SCLT1: variants seen among roughly 807,000 people sequenced by gnomAD.
SCLT1 encodes the protein sodium channel and clathrin linker 1.
Under a neutral mutation model 112.8 loss-of-function variants are expected in SCLT1, and 78 were observed. That is an observed-to-expected ratio of 0.69 (90% CI 0.58 to 0.83). The LOEUF (loss-of-function observed/expected upper bound fraction) is 0.83, where lower values mean the gene tolerates loss of function less well. Ranked by LOEUF, SCLT1 falls within the 40% of genes least tolerant of loss-of-function variation. The pLI is 0.00. For missense variants in SCLT1, 747 were observed against 770.4 expected (o/e 0.97, Z 0.36); for synonymous variants, 257 against 254.7 (o/e 1.01, Z -0.09).
intron 18 of SCLT1, among the ~76,000 whole-genome samples, chr4:128,921,421 C>A (rs1294332630): frequency 6.6e-6 from 1 of 152,088 alleles, no homozygotes; most frequent in Middle Eastern, 3.2e-3. Flanking sequence ...AAGGCCACAG[C>A]AACCAAAACA....
intron 12 of SCLT1, among the ~76,000 whole-genome samples, chr4:128,958,473 C>G (rs73847312): frequency 6.6e-6 from 1 of 152,084 alleles, no homozygotes; most frequent in Non-Finnish European, 1.5e-5. Context: ...CCTCTGTGAG[C>G]GTCTGTTGAC....
rs199761521 is a variant in SCLT1 at position 128,943,116 on chromosome 4, C to A, written c.1512G>T (p.Glu504Asp). 1 of 1,611,778 alleles carries A rather than the reference C, an allele frequency of 6.2e-7. No homozygotes were observed. Among genetic ancestry groups the A allele is most frequent in the Non-Finnish European group, 8.5e-7 (1 of 1,178,282 alleles). The change falls in exon 17 of 21, where the codon GAG (glutamate) becomes GAT (aspartate). Residue 504 changes from glutamate to aspartate, a missense_variant. Around this residue, in one of 2 missense-constraint regions of SCLT1, gnomAD observed 723 missense variants for 721.3 expected, o/e 1.00. Transcript: ENST00000281142. ...KLQNVLESER[E>D]NCGLVSEQRL... The stretch of plus-strand genomic sequence containing the variant: ...TTTGTTCACTGACAAGCCCACAGTT[C>A]TCTCTCTCAGACTCCAATACATTTT...
At position 128,936,763 on chromosome 4, in the gene SCLT1, A is replaced by G. The variant is rs1012259586; in HGVS notation, c.1721T>C (p.Ile574Thr). The G allele has an allele frequency of 2.5e-6, 4 of 1,610,942 alleles. No individual in the cohort carries two copies. Among genetic ancestry groups the G allele is most frequent in the Non-Finnish European group, 3.4e-6 (4 of 1,177,422 alleles). ...REMEDSNRNSIVELRHLLATQ... is the reference protein window; with the variant it reads ...REMEDSNRNSTVELRHLLATQ... ...CGCTAGGAGATGCCTCAGTTCAACAATGGAATTTCTATTACTGTCTTCCAT... is the reference window on the plus strand; with the variant it reads ...CGCTAGGAGATGCCTCAGTTCAACAGTGGAATTTCTATTACTGTCTTCCAT... Residue 574 changes from isoleucine (I) to threonine (T), a missense_variant, in exon 18 of 21, where the codon ATT becomes ACT. Physicochemically the swap from Ile to Thr is moderately conservative, Grantham distance 89. Around this residue, in one of 2 missense-constraint regions of SCLT1, gnomAD observed 723 missense variants for 721.3 expected, o/e 1.00. Coordinates refer to ENST00000281142, the MANE Select transcript of SCLT1 (RefSeq NM_144643.4).
At chr4:128,973,401 A>T (rs549407322) in intron 9 of SCLT1, among the ~76,000 whole-genome samples, 13 of 148,238 alleles carry the variant, frequency 8.8e-5, no homozygotes, top group African/African-American at 3.2e-4. Flanking sequence ...ATCATAAATG[A>T]ATGAGAGGGC....
At chr4:128,998,871 C>T (rs1332112039) in intron 7 of SCLT1, among the ~76,000 whole-genome samples, 1 of 151,714 alleles carries the variant, frequency 6.6e-6, no homozygotes, top group Non-Finnish European at 1.5e-5. Context: ...TTTGAAAAGT[C>T]TGTAAATGAG....
intron 5 of SCLT1, among the ~76,000 whole-genome samples, chr4:129,026,488 T>G (rs913515404): frequency 1.3e-5 from 2 of 152,046 alleles, no homozygotes; most frequent in African/African-American, 4.8e-5. Context: ...AATAAAGATG[T>G]TCTTTGAAAC....
At chr4:128,931,164 G>A (rs1736727236) in intron 18 of SCLT1, among the ~76,000 whole-genome samples, 1 of 151,804 alleles carries the variant, frequency 6.6e-6, no homozygotes, top group Non-Finnish European at 1.5e-5. Flanking sequence ...GAAGGTTTTT[G>A]GGGGGTTGGA....
intron 3 of SCLT1, among the ~76,000 whole-genome samples, chr4:128,877,801 G>A (rs1732555584): frequency 6.6e-6 from 1 of 152,292 alleles, no homozygotes; most frequent in South Asian, 2.1e-4. Flanking sequence ...ACATGTTAAT[G>A]CACTGGTTAA....
chr4:128,998,063 T>A (rs926556776), intron 7 of SCLT1, 124 bp from the exon 8 acceptor site: 11 of 420,342 alleles, frequency 2.6e-5, no homozygotes, highest in Admixed American at 4.3e-5. Flanking sequence ...TAGTAGTGTT[T>A]CTTATTACTA....
At chr4:128,928,254 G>T (rs1410844333) in intron 18 of SCLT1, among the ~76,000 whole-genome samples, 1 of 151,844 alleles carries the variant, frequency 6.6e-6, no homozygotes, top group Non-Finnish European at 1.5e-5. Flanking sequence ...AAAAAGAAGG[G>T]CTACTCTCCA....
At position 128,890,321 on chromosome 4, in the gene SCLT1, A is replaced by G. The variant is rs543555792; in HGVS notation, c.1908+738T>C. On this transcript the variant is annotated intron_variant, in intron 19 of 20. Transcript: ENST00000281142. ...TTACTGTACTGAGTACCTTCTTTCA[A>G]ATTTTTTTTGTATTTTAAATTACTC... Among the ~76,000 whole-genome samples, 4 of 151,668 alleles carry G rather than the reference A, an allele frequency of 2.6e-5. No homozygotes were observed. In the East Asian group the frequency reaches 7.7e-4, roughly 29 times the overall value.
intron 18 of SCLT1, among the ~76,000 whole-genome samples, chr4:128,897,075 T>C (rs1733829642): frequency 6.6e-6 from 1 of 152,112 alleles, no homozygotes; most frequent in African/African-American, 2.4e-5. Context: ...ACGGGGAGAA[T>C]GGAACCAAGT....
chr4:129,027,548 T>G (rs1404351622), intron 5 of SCLT1, among the ~76,000 whole-genome samples: 2 of 152,178 alleles, frequency 1.3e-5, no homozygotes, highest in African/African-American at 4.8e-5. Flanking sequence ...GAGCTATCTA[T>G]GACAAACCCA....
At chr4:128,893,612 G>A (rs539139401) in intron 18 of SCLT1, among the ~76,000 whole-genome samples, 84 of 152,030 alleles carry the variant, frequency 5.5e-4, no homozygotes, top group African/African-American at 1.9e-3. Context: ...GTGCCATCTC[G>A]GCTCACTGCA....
intron 18 of SCLT1, among the ~76,000 whole-genome samples, chr4:128,895,302 A>G (rs983203322): frequency 6.6e-6 from 1 of 152,112 alleles, no homozygotes; most frequent in Non-Finnish European, 1.5e-5. Context: ...ATAATCTTCA[A>G]TGGCTCTCAG....
At chr4:128,988,747 A>C (rs766930632) in intron 9 of SCLT1, among the ~76,000 whole-genome samples, 28 of 152,130 alleles carry the variant, frequency 1.8e-4, no homozygotes, top group Non-Finnish European at 3.5e-4. Flanking sequence ...CATTTCATCT[A>C]TAAAGACACC....
Position 129,005,729 on chromosome 4 carries a change from C to A in SCLT1, c.291-1853G>T, listed in dbSNP as rs532765626. Among the ~76,000 whole-genome samples the A allele has an allele frequency of 1.6e-3, 247 of 151,024 alleles. 2 individuals carry two copies. The highest frequency in any genetic ancestry group is 0.014 in the East Asian group (71 of 5,138). ...GACACATGCACACGTATGTTTATTG[C>A]GGCATTATTCACAATAGCAAAGACT... On this transcript the variant is annotated intron_variant, in intron 5 of 20. Coordinates refer to ENST00000281142, the MANE Select transcript of SCLT1 (RefSeq NM_144643.4).
At chr4:128,880,122 A>C (rs1021061815), downstream of SCLT1, among the ~76,000 whole-genome samples, 8 of 152,172 alleles carry the variant, frequency 5.3e-5, no homozygotes, top group African/African-American at 1.9e-4. Flanking sequence ...GTATGGCATA[A>C]ATGAATTTTT....
At chr4:129,048,705 G>A (rs1453188701) in intron 2 of SCLT1, among the ~76,000 whole-genome samples, 2 of 152,008 alleles carry the variant, frequency 1.3e-5, no homozygotes, top group Admixed American at 1.3e-4. Flanking sequence ...CTACAAAATG[G>A]GAGAAAATTT....
Sources: allele counts gnomAD v4.1 joint callset (sites outside exome capture counted in the v4.1 genomes callset), GRCh38; gene constraint gnomAD v4.1.1; regional missense constraint gnomAD v4.1.1; transcripts MANE v1.5; gene names NCBI Gene and HGNC (gene_info 2026-07-23, HGNC 2026-07-21).